The following PTPRD variants were observed in gnomAD, a reference collection of about 807,000 sequenced individuals.
PTPRD encodes the protein protein tyrosine phosphatase receptor type D, also known as receptor-type tyrosine-protein phosphatase delta.
A neutral mutation model predicts 214.5 loss-of-function variants in PTPRD; 34 were observed. The observed-to-expected ratio is 0.16, with a 90% CI of 0.12 to 0.21. The LOEUF is 0.21. Ranked by LOEUF, PTPRD falls within the 10% of genes least tolerant of loss-of-function variation. The pLI, the probability that PTPRD is intolerant of heterozygous loss-of-function variation, is 1.00. For synonymous variants in PTPRD, 1,128 were observed against 845.7 expected, an observed-to-expected ratio of 1.33 and a Z score of -5.79; for missense variants, 2,545 against 2,398.7, an observed-to-expected ratio of 1.06 and a Z score of -1.27.
At chr9:9,867,428 A>G (rs544718219) in intron 5 of PTPRD, among the ~76,000 whole-genome samples, 1 of 152,256 alleles carries the variant, frequency 6.6e-6, no homozygotes, top group Admixed American at 6.5e-5. Context: ...TATCTTCCAA[A>G]CAGATTCAAG....
chr9:8,381,692 T>G (rs1038817206), intron 37 of PTPRD, among the ~76,000 whole-genome samples: 1 of 152,180 alleles, frequency 6.6e-6, no homozygotes, highest in Non-Finnish European at 1.5e-5. Context: ...ATAAACCAAA[T>G]TACATGTCAT....
chr9:10,072,557 G>A (rs1378281204), intron 3 of PTPRD, among the ~76,000 whole-genome samples: 3 of 152,034 alleles, frequency 2.0e-5, no homozygotes, highest in African/African-American at 7.2e-5. Context: ...TGGCTGGGGT[G>A]GCCAGCTTTT....
At chr9:10,391,367 C>T (rs909307019) in intron 2 of PTPRD, among the ~76,000 whole-genome samples, 1 of 151,524 alleles carries the variant, frequency 6.6e-6, no homozygotes, top group African/African-American at 2.4e-5. Flanking sequence ...AGAGAGGGGC[C>T]TAATATAATG....
intron 14 of PTPRD, among the ~76,000 whole-genome samples, chr9:8,632,007 C>A (rs2096268289): frequency 6.6e-6 from 1 of 151,812 alleles, no homozygotes; most frequent in South Asian, 2.1e-4. Context: ...AAAAGATATA[C>A]ATCCAATTGT....
chr9:10,512,720 T>A (rs1165787629), intron 2 of PTPRD, among the ~76,000 whole-genome samples: 1 of 151,796 alleles, frequency 6.6e-6, no homozygotes, highest in Non-Finnish European at 1.5e-5. Context: ...TTGGTGAGGT[T>A]TTGGAGAAAA....
intron 8 of PTPRD, among the ~76,000 whole-genome samples, chr9:9,574,451 T>G (rs1250759329): frequency 6.6e-6 from 1 of 152,026 alleles, no homozygotes; most frequent in Non-Finnish European, 1.5e-5. Flanking sequence ...TTGTTATTCA[T>G]GTTCAAAGAA....
intron 7 of PTPRD, among the ~76,000 whole-genome samples, chr9:9,716,947 A>T (rs552601014): frequency 1.9e-4 from 29 of 152,256 alleles, no homozygotes; most frequent in African/African-American, 6.5e-4. Context: ...CTGAATGGTA[A>T]TGCCTAGGAT....
intron 2 of PTPRD, among the ~76,000 whole-genome samples, chr9:10,464,913 T>A (rs1396721990): frequency 6.6e-6 from 1 of 152,058 alleles, no homozygotes; most frequent in East Asian, 1.9e-4. Flanking sequence ...TCATATAGCC[T>A]AAAACTAACA....
chr9:9,027,867 G>C (rs982093356), intron 10 of PTPRD, among the ~76,000 whole-genome samples: 4 of 151,768 alleles, frequency 2.6e-5, no homozygotes, highest in African/African-American at 9.7e-5. Context: ...ACTGCCATTT[G>C]GTCTACTAAC....
At chr9:8,486,877 G>C (rs2097028543) in intron 27 of PTPRD, among the ~76,000 whole-genome samples, 1 of 152,048 alleles carries the variant, frequency 6.6e-6, no homozygotes. Context: ...GGCCCAGAGA[G>C]GTAGAAAACT....
intron 8 of PTPRD, among the ~76,000 whole-genome samples, chr9:9,475,867 C>G (rs2094991301): frequency 6.6e-6 from 1 of 152,168 alleles, no homozygotes; most frequent in Non-Finnish European, 1.5e-5. Flanking sequence ...TCACACAGCT[C>G]TAGAAATAGG....
At chr9:8,542,008 T>C (rs1057157978) in intron 14 of PTPRD, among the ~76,000 whole-genome samples, 28 of 152,210 alleles carry the variant, frequency 1.8e-4, no homozygotes, top group African/African-American at 6.3e-4. Context: ...CCTTATCTTT[T>C]GCAACTAGAT....
At chr9:8,708,084 A>T (rs1404360279) in intron 12 of PTPRD, among the ~76,000 whole-genome samples, 1 of 152,216 alleles carries the variant, frequency 6.6e-6, no homozygotes, top group Non-Finnish European at 1.5e-5. Flanking sequence ...GGCACCTCTG[A>T]AATAAAGGGG....
intron 3 of PTPRD, among the ~76,000 whole-genome samples, chr9:10,337,868 A>G (rs866627674): frequency 9.9e-5 from 15 of 151,814 alleles, no homozygotes; most frequent in African/African-American, 3.1e-4. Flanking sequence ...TTCAGAATCC[A>G]TGCTTTTGAT....
chr9:9,865,433 G>A (rs1442322988), intron 5 of PTPRD, among the ~76,000 whole-genome samples: 1 of 152,276 alleles, frequency 6.6e-6, no homozygotes, highest in South Asian at 2.1e-4. Flanking sequence ...AGAAGCCTTT[G>A]CTAACATATA....
chr9:9,573,664 T>C (rs995124899), intron 8 of PTPRD, among the ~76,000 whole-genome samples: 2 of 151,802 alleles, frequency 1.3e-5, no homozygotes, highest in Non-Finnish European at 3.0e-5. Context: ...TACTTGGGGA[T>C]AAAATTATTA....
chr9:9,285,656 G>A (rs1436389926), intron 9 of PTPRD, among the ~76,000 whole-genome samples: 1 of 151,400 alleles, frequency 6.6e-6, no homozygotes, highest in African/African-American at 2.4e-5. Flanking sequence ...TTGTTTCCAG[G>A]GCCAGCACAG....
chr9:8,985,039 A>G (rs1349278899), intron 11 of PTPRD, among the ~76,000 whole-genome samples: 1 of 152,136 alleles, frequency 6.6e-6, no homozygotes, highest in African/African-American at 2.4e-5. Flanking sequence ...TGCAAGCTCA[A>G]TTTTTAGAAT....
chr9:8,548,223 T>C (rs1333103168), intron 14 of PTPRD, among the ~76,000 whole-genome samples: 7 of 152,166 alleles, frequency 4.6e-5, no homozygotes, highest in African/African-American at 1.4e-4. Flanking sequence ...GGTCACTGCT[T>C]GAATGCTTTT....
Sources: allele counts gnomAD v4.1 joint callset (sites outside exome capture counted in the v4.1 genomes callset), GRCh38; gene constraint gnomAD v4.1.1; transcripts MANE v1.5; gene names NCBI Gene and HGNC (gene_info 2026-07-23, HGNC 2026-07-21).